Variants in AMBRA1 observed in about 807,000 individuals in gnomAD.
The protein encoded by AMBRA1 is activating molecule in BECN1-regulated autophagy protein 1.
Under a neutral mutation model 125.4 loss-of-function variants are expected in AMBRA1, and 47 were observed. The ratio of observed to expected loss-of-function variants is 0.37; its 90% CI spans 0.30 to 0.48. The LOEUF is 0.48. Ranked by LOEUF, AMBRA1 falls within the 20% of genes least tolerant of loss-of-function variation. AMBRA1 has a pLI of 0.99. For missense variants in AMBRA1, 1,331 were observed against 1,693.4 expected (o/e 0.79, Z 3.76); for synonymous variants, 626 against 655.5 (o/e 0.95, Z 0.69).
At chr11:46,591,314 C>A (rs1034960451) in intron 1 of AMBRA1, 2 of 152,198 alleles carry the variant, frequency 1.3e-5, no homozygotes, top group Middle Eastern at 3.2e-3. Flanking sequence ...GCTTAACTTC[C>A]CAATCTAGAT....
chr11:46,403,435 G>C (rs1442356958), intron 17 of AMBRA1, among the ~76,000 whole-genome samples: 1 of 152,236 alleles, frequency 6.6e-6, no homozygotes, highest in East Asian at 1.9e-4. Flanking sequence ...CAGCCATGGT[G>C]CTCTCCAAAT....
intron 1 of AMBRA1, among the ~76,000 whole-genome samples, chr11:46,577,345 C>G (rs1401717546): frequency 6.6e-6 from 1 of 152,058 alleles, no homozygotes; most frequent in Non-Finnish European, 1.5e-5. Flanking sequence ...TACGCTAAGT[C>G]AAAGAAGCCA....
chr11:46,554,502 C>T (rs1231245898), intron 1 of AMBRA1, among the ~76,000 whole-genome samples: 1 of 152,176 alleles, frequency 6.6e-6, no homozygotes, highest in Non-Finnish European at 1.5e-5. Context: ...AACACACTAA[C>T]AGCTCAAACA....
At chr11:46,460,962 G>A (rs973200785) in intron 11 of AMBRA1, among the ~76,000 whole-genome samples, 1 of 152,156 alleles carries the variant, frequency 6.6e-6, no homozygotes, top group Non-Finnish European at 1.5e-5. Context: ...AACAATTAGG[G>A]CCAGGAGTGG....
intron 8 of AMBRA1, among the ~76,000 whole-genome samples, chr11:46,510,458 A>ATCT (rs1951214029): frequency 5.3e-5 from 8 of 152,250 alleles, no homozygotes; most frequent in Non-Finnish European, 1.0e-4. Flanking sequence ...AAAAGAATAT[A>ATCT]CAAGGAGAAA....
chr11:46,433,447 A>G (rs1272926202), intron 14 of AMBRA1, 27 bp downstream of exon 14: 1 of 1,610,794 alleles, frequency 6.2e-7, no homozygotes, highest in South Asian at 1.1e-5. Context: ...GCTGCCATAC[A>G]GTGAAGGCAC....
intron 2 of AMBRA1, 101 bp from the exon 3 acceptor site, chr11:46,547,976 G>A (rs2042877694): frequency 7.3e-7 from 1 of 1,375,046 alleles, no homozygotes; most frequent in Non-Finnish European, 1.0e-6. Flanking sequence ...AGCATTCACA[G>A]TGTAGGCTTA....
At chr11:46,564,616 A>G (rs2043459461) in intron 1 of AMBRA1, among the ~76,000 whole-genome samples, 1 of 152,180 alleles carries the variant, frequency 6.6e-6, no homozygotes, top group East Asian at 1.9e-4. Flanking sequence ...CTAGAAAGTC[A>G]TAATTAGAAA....
At chr11:46,551,051 C>T (rs1442586802) in intron 1 of AMBRA1, among the ~76,000 whole-genome samples, 8 of 146,232 alleles carry the variant, frequency 5.5e-5, no homozygotes, top group South Asian at 2.2e-4. Flanking sequence ...GAGCCAAGAT[C>T]GCGCCACTGC....
At chr11:46,463,508 C>CGTA (rs1355185646) in intron 11 of AMBRA1, among the ~76,000 whole-genome samples, 1 of 152,164 alleles carries the variant, frequency 6.6e-6, no homozygotes, top group African/African-American at 2.4e-5. Context: ...TAGGGACTAC[C>CGTA]TTAAATCCCT....
chr11:46,529,082 T>A (rs1456242710), intron 7 of AMBRA1, among the ~76,000 whole-genome samples: 1 of 152,242 alleles, frequency 6.6e-6, no homozygotes, highest in Non-Finnish European at 1.5e-5. Flanking sequence ...AACTTGATTT[T>A]AATTTCCTGG....
chr11:46,542,064 G>A lies in AMBRA1; in HGVS notation c.1953C>T (p.Asn651=). 1.2e-6 allele frequency: 2 copies of A among 1,613,904 alleles called. No homozygotes were observed. Among genetic ancestry groups the A allele is most frequent in the Non-Finnish European group, 1.7e-6 (2 of 1,179,940 alleles). Reference sequence around the variant, plus strand: ...TTCTTTCCCAGTGGCCTGTCTCCTGGTTAAAGGCCACCCCCACAGTCCTCT... The same window carrying A: ...TTCTTTCCCAGTGGCCTGTCTCCTGATTAAAGGCCACCCCCACAGTCCTCT... ...QEERTVGVAF[N]QETGHWERIY... is the part of the protein sequence containing the mutation. The change falls in exon 7 of 18, where the codon AAC becomes AAT. Residue 651 remains asparagine, a synonymous_variant. Coordinates refer to ENST00000683756, the MANE Select transcript of AMBRA1 (RefSeq NM_001387011.1). The surrounding 1 kb of genome is among the most constrained non-coding windows in gnomAD (Gnocchi z 5.9).
At chr11:46,442,873 C>T (rs1268928884) in intron 12 of AMBRA1, among the ~76,000 whole-genome samples, 2 of 152,128 alleles carry the variant, frequency 1.3e-5, no homozygotes, top group African/African-American at 4.8e-5. Context: ...AGGTGCATGC[C>T]ATCATGCCTA....
At position 46,528,797 on chromosome 11, in the gene AMBRA1, A is replaced by C. The variant is rs147267009; in HGVS notation, c.2072+13148T>G. On this transcript the variant is annotated intron_variant, in intron 7 of 17. Coordinates refer to ENST00000683756, the MANE Select transcript of AMBRA1 (RefSeq NM_001387011.1). ...CAGACACACGTACACGAAGATAAAA[A>C]GGGTTACATGTGCCAACAGAACAAA... Among the ~76,000 whole-genome samples the C allele has an allele frequency of 6.2e-3, 946 of 152,324 alleles. 12 individuals are homozygous for C. Among genetic ancestry groups the C allele is most frequent in the African/African-American group, 0.022 (901 of 41,568 alleles).
chr11:46,590,240 G>A (rs1269133721), intron 1 of AMBRA1, among the ~76,000 whole-genome samples: 1 of 151,670 alleles, frequency 6.6e-6, no homozygotes, highest in East Asian at 2.0e-4. Context: ...GTGCGGTGGT[G>A]CGCACCTGTA....
At position 46,542,858 on chromosome 11, in the gene AMBRA1, T is replaced by C. The variant is rs763570501; in HGVS notation, c.1159A>G (p.Ser387Gly). ...STAGNTLRNL[S>G]LGPTRRSLGG... is the part of the protein sequence containing the mutation. ...AAAGAGCGGCGGGTAGGACCCAGACTGAGGTTGCGGAGCGTGTTGCCGGCA... is the reference window on the plus strand; with the variant it reads ...AAAGAGCGGCGGGTAGGACCCAGACCGAGGTTGCGGAGCGTGTTGCCGGCA... The change falls in exon 7 of 18, where the codon AGT becomes GGT. Residue 387 changes from serine (S) to glycine (G), a missense_variant. Transcript: ENST00000683756. The surrounding 1 kb of genome is among the most constrained non-coding windows in gnomAD (Gnocchi z 5.9). The C allele has an allele frequency of 6.2e-5, 100 of 1,613,064 alleles. 1 individual carries two copies. The South Asian group carries it at 9.8e-4, about 16-fold the overall frequency.
At chr11:46,531,859 T>C (rs1357590868) in intron 7 of AMBRA1, among the ~76,000 whole-genome samples, 1 of 152,236 alleles carries the variant, frequency 6.6e-6, no homozygotes, top group Non-Finnish European at 1.5e-5. Flanking sequence ...GGCTCACGCC[T>C]GTAATCCCAA....
At position 46,542,951 on chromosome 11, in the gene AMBRA1, A is replaced by G; in HGVS notation, c.1066T>C (p.Ser356Pro). Reference sequence around the variant, plus strand: ...AGGCCCTGGTCCTGCTGCGTTGACGAGGCCTGCTCCGGGGGATGGAAGGGC... The same window carrying G: ...AGGCCCTGGTCCTGCTGCGTTGACGGGGCCTGCTCCGGGGGATGGAAGGGC... Reference protein sequence around the residue: ...TEPFHPPEQASSTQQDQGLLN... With the variant: ...TEPFHPPEQAPSTQQDQGLLN... The change falls in exon 7 of 18, where the codon TCG becomes CCG. Residue 356 changes from serine to proline, a missense_variant. Ser to Pro is a moderately conservative substitution (Grantham distance 74). Around this residue, in one of 4 missense-constraint regions of AMBRA1, gnomAD observed 689 missense variants for 776.5 expected, o/e 0.89. Coordinates refer to ENST00000683756, the MANE Select transcript of AMBRA1 (RefSeq NM_001387011.1). This position sits in a 1 kb window ranked among gnomAD's most constrained non-coding sequence, Gnocchi z 5.9. The G allele has an allele frequency of 6.2e-7, 1 of 1,607,860 alleles. No individual in the cohort carries two copies. Among genetic ancestry groups the G allele is most frequent in the South Asian group, 1.1e-5 (1 of 91,072 alleles).
intron 9 of AMBRA1, among the ~76,000 whole-genome samples, chr11:46,502,628 T>A (rs1950884286): frequency 6.6e-6 from 1 of 152,192 alleles, no homozygotes; most frequent in Non-Finnish European, 1.5e-5. Context: ...GTGGCTAGAA[T>A]TCTAGTCAGG....
Sources: gnomAD v4.1 joint callset for allele counts (sites outside exome capture counted in the v4.1 genomes callset) on GRCh38, gnomAD v4.1.1 for gene constraint, gnomAD v4.1.1 regional missense constraint, Gnocchi (gnomAD v3.1) non-coding constraint, MANE v1.5 for transcripts, NCBI Gene and HGNC (gene_info 2026-07-23, HGNC 2026-07-21) for gene names.